Variants in BMPR2 observed in about 807,000 individuals in gnomAD.
BMPR2 encodes the protein bone morphogenetic protein receptor type 2, also known as bone morphogenetic protein receptor type-2.
A neutral mutation model predicts 100.8 loss-of-function variants in BMPR2; 29 were observed. The observed-to-expected ratio is 0.29, with a 90% CI of 0.21 to 0.39. BMPR2 has a LOEUF of 0.39. BMPR2 is among the 10% of genes least tolerant of loss of function. The pLI, the probability that BMPR2 is intolerant of heterozygous loss-of-function variation, is 1.00. For synonymous variants in BMPR2, 382 were observed against 442.3 expected (o/e 0.86, Z 1.71); for missense variants, 1,011 against 1,274.5 (o/e 0.79, Z 3.15).
At chr2:202,438,774 A>G (rs1217198650) in intron 1 of BMPR2, among the ~76,000 whole-genome samples, 1 of 150,504 alleles carries the variant, frequency 6.6e-6, no homozygotes, top group Non-Finnish European at 1.5e-5. Flanking sequence ...TTCACCATAT[A>G]TATAAGGGTT....
intron 1 of BMPR2, among the ~76,000 whole-genome samples, chr2:202,423,913 T>G (rs2105926053): frequency 6.6e-6 from 1 of 151,696 alleles, no homozygotes; most frequent in South Asian, 2.1e-4. Context: ...AAATTATATT[T>G]GTTTAATTAC....
intron 1 of BMPR2, among the ~76,000 whole-genome samples, chr2:202,443,766 A>G (rs768233294): frequency 3.3e-5 from 5 of 150,398 alleles, no homozygotes; most frequent in Admixed American, 6.6e-5. Context: ...GGTAGAGACT[A>G]TTGGTCTTTG....
rs373473720 is a variant in BMPR2 at position 202,457,941 on chromosome 2, AG to A, written c.77-6867del. On this transcript the variant is annotated intron_variant, in intron 1 of 12. Coordinates refer to ENST00000374580, the MANE Select transcript of BMPR2 (RefSeq NM_001204.7). The stretch of plus-strand genomic sequence containing the variant: ...AGATGGGGTTTCTCCATTTTGGCCA[AG>A]CTGGTCTTGAACTCCTGACTTCAGG... 4.4e-4 allele frequency among the ~76,000 whole-genome samples: 67 copies of A among 152,042 alleles called. No individual in the cohort carries two copies. In the East Asian group the frequency reaches 0.013, roughly 29 times the overall value.
intron 12 of BMPR2, among the ~76,000 whole-genome samples, chr2:202,558,739 C>T (rs534585607): frequency 1.3e-5 from 2 of 151,594 alleles, no homozygotes; most frequent in Non-Finnish European, 2.9e-5. Context: ...ACTAAAAATA[C>T]AAAAGTAGCC....
At chr2:202,502,417 G>C (rs1033273431) in intron 3 of BMPR2, among the ~76,000 whole-genome samples, 4 of 152,102 alleles carry the variant, frequency 2.6e-5, no homozygotes, top group Non-Finnish European at 5.9e-5. Flanking sequence ...AAGAGGAACA[G>C]ACACAGAAAG....
At chr2:202,450,387 G>C (rs1312838345) in intron 1 of BMPR2, among the ~76,000 whole-genome samples, 1 of 152,068 alleles carries the variant, frequency 6.6e-6, no homozygotes, top group African/African-American at 2.4e-5. Context: ...AGGATTATTT[G>C]CTTTACAAAA....
chr2:202,399,588 T>G (rs1202171576), intron 1 of BMPR2, among the ~76,000 whole-genome samples: 1 of 152,226 alleles, frequency 6.6e-6, no homozygotes, highest in Non-Finnish European at 1.5e-5. Flanking sequence ...TTTCATAATC[T>G]AATTTTCATT....
intron 9 of BMPR2, among the ~76,000 whole-genome samples, chr2:202,538,858 A>C (rs1688215395): frequency 2.0e-5 from 3 of 151,836 alleles, no homozygotes; most frequent in Admixed American, 6.6e-5. Flanking sequence ...TTAATCCTGG[A>C]GACTGTTCGA....
intron 10 of BMPR2, among the ~76,000 whole-genome samples, chr2:202,547,511 G>C (rs1045575506): frequency 6.6e-6 from 1 of 152,112 alleles, no homozygotes; most frequent in Non-Finnish European, 1.5e-5. Flanking sequence ...AGCCAGGCAC[G>C]GTGGCTCACG....
intron 3 of BMPR2, among the ~76,000 whole-genome samples, chr2:202,492,110 T>C (rs923253505): frequency 6.6e-6 from 1 of 152,046 alleles, no homozygotes; most frequent in Non-Finnish European, 1.5e-5. Context: ...CAGCATTCAG[T>C]GATAGTAATA....
At chr2:202,502,144 A>G (rs1687407349) in intron 3 of BMPR2, among the ~76,000 whole-genome samples, 1 of 152,268 alleles carries the variant, frequency 6.6e-6, no homozygotes, top group African/African-American at 2.4e-5. Context: ...ATGCTTATCT[A>G]ATCCTACATG....
At position 202,440,970 on chromosome 2, in the gene BMPR2, A is replaced by G. The variant is rs563602730; in HGVS notation, c.77-23839A>G. On this transcript the variant is annotated intron_variant, in intron 1 of 12. Coordinates refer to ENST00000374580, the MANE Select transcript of BMPR2 (RefSeq NM_001204.7). ...TTATTTGCTTTCCCACATAGAAAAT[A>G]TTATTATTATTGTTATTATTTTTCT... Among the ~76,000 whole-genome samples the G allele has an allele frequency of 3.0e-3, 452 of 150,332 alleles. 3 individuals are homozygous for G. Among genetic ancestry groups the G allele is most frequent in the Non-Finnish European group, 4.8e-3 (329 of 68,002 alleles).
At chr2:202,413,119 A>C (rs1691046870) in intron 1 of BMPR2, among the ~76,000 whole-genome samples, 1 of 152,240 alleles carries the variant, frequency 6.6e-6, no homozygotes, top group African/African-American at 2.4e-5. Flanking sequence ...AGGTCAAACA[A>C]GGCCACATTC....
chr2:202,419,938 C>T (rs527494540), intron 1 of BMPR2, among the ~76,000 whole-genome samples: 2 of 152,172 alleles, frequency 1.3e-5, no homozygotes, highest in South Asian at 4.2e-4. Context: ...GGCTTTAGGC[C>T]AGGAGTTTGA....
rs999574752 is a variant in BMPR2 at position 202,566,973 on chromosome 2, T to C, written c.*7027T>C. On this transcript the variant is annotated 3_prime_UTR_variant, in exon 13 of 13. Transcript: ENST00000374580. The stretch of plus-strand genomic sequence containing the variant: ...ATTACTAAAAGATGCAATTCAAAGA[T>C]AGGTCCCAGTTTAACACTGAATTGC... The C allele has an allele frequency of 6.6e-6, 1 of 152,230 alleles. No homozygotes were observed. Among genetic ancestry groups the C allele is most frequent in the African/African-American group, 2.4e-5 (1 of 41,464 alleles). The allele number at this position is 152,230 out of a possible 1,614,324, so 9.4% of individuals were successfully genotyped here.
chr2:202,408,715 T>C (rs1690950887), intron 1 of BMPR2, among the ~76,000 whole-genome samples: 1 of 152,188 alleles, frequency 6.6e-6, no homozygotes, highest in African/African-American at 2.4e-5. Flanking sequence ...TCTTTGAGAT[T>C]TGAAAGAAGC....
intron 1 of BMPR2, among the ~76,000 whole-genome samples, chr2:202,417,083 G>A (rs559484243): frequency 6.6e-6 from 1 of 152,090 alleles, no homozygotes; most frequent in African/African-American, 2.4e-5. Flanking sequence ...TGATCCACCC[G>A]CCTTGGCCTC....
chr2:202,509,403 G>A (rs1369759688), intron 3 of BMPR2, among the ~76,000 whole-genome samples: 1 of 151,766 alleles, frequency 6.6e-6, no homozygotes, highest in Non-Finnish European at 1.5e-5. Flanking sequence ...CCAATTTCCA[G>A]AAATTTGGGT....
Position 202,518,682 on chromosome 2 carries a change from T to C in BMPR2, c.622-140T>C, listed in dbSNP as rs1337746699. ...CTTCATCAGCCATACTAGAACAGAA[T>C]TTATTAATTTCTTGATAATGGAATA... On this transcript the variant is annotated intron_variant, in intron 5 of 12. Coordinates refer to ENST00000374580, the MANE Select transcript of BMPR2 (RefSeq NM_001204.7). The C allele has an allele frequency of 3.8e-6, 3 of 796,334 alleles. No individual in the cohort carries two copies. The African/African-American group carries it at 5.1e-5, about 14-fold the overall frequency. 49.3% of individuals were successfully genotyped at this position (796,334 alleles called of 1,614,324 possible).
Sources: gnomAD v4.1 joint callset for allele counts (sites outside exome capture counted in the v4.1 genomes callset) on GRCh38, gnomAD v4.1.1 for gene constraint, MANE v1.5 for transcripts, NCBI Gene and HGNC (gene_info 2026-07-23, HGNC 2026-07-21) for gene names.